Variants in GAS2 observed in about 807,000 individuals in gnomAD.
GAS2 encodes the protein growth arrest-specific protein 2.
GAS2 carries 20 observed loss-of-function variants against 37.5 expected under a neutral mutation model. The observed-to-expected ratio is 0.53, with a 90% CI of 0.37 to 0.77. The LOEUF is 0.77. GAS2 is among the 30% of genes least tolerant of loss of function. GAS2 has a pLI of 0.00. For missense variants in GAS2, 336 were observed against 373.4 expected (o/e 0.90, Z 0.82); for synonymous variants, 144 against 132.2 (o/e 1.09, Z -0.61).
chr11:22,740,415 T>A (rs1243116467), intron 5 of GAS2, among the ~76,000 whole-genome samples: 4 of 152,186 alleles, frequency 2.6e-5, no homozygotes, highest in Non-Finnish European at 5.9e-5. Context: ...ATTTGGCCTT[T>A]TATCTTCTTG....
chr11:22,739,572 C>CAAAAAAAAAA (rs71037525), intron 5 of GAS2, among the ~76,000 whole-genome samples: 6 of 64,650 alleles, frequency 9.3e-5, no homozygotes, highest in Non-Finnish European at 1.8e-4. Flanking sequence ...GATTCGCTCT[C>CAAAAAAAAAA]AAAAAAAAAA....
chr11:22,681,464 A>G (rs1231395903), intron 2 of GAS2, among the ~76,000 whole-genome samples: 1 of 152,192 alleles, frequency 6.6e-6, no homozygotes, highest in East Asian at 1.9e-4. Flanking sequence ...AGGAAGTGAA[A>G]CTATTACTTC....
At chr11:22,778,352 G>A (rs1262578452) in intron 7 of GAS2, among the ~76,000 whole-genome samples, 1 of 152,206 alleles carries the variant, frequency 6.6e-6, no homozygotes, top group African/African-American at 2.4e-5. Context: ...GGTCCCTGCT[G>A]TTAAGGAGTA....
intron 1 of GAS2, among the ~76,000 whole-genome samples, chr11:22,673,209 T>G (rs1849276300): frequency 6.6e-6 from 1 of 152,190 alleles, no homozygotes; most frequent in Non-Finnish European, 1.5e-5. Context: ...TGCTCCCACT[T>G]TGCATTTTTC....
chr11:22,761,732 G>A (rs1043997954), intron 7 of GAS2, among the ~76,000 whole-genome samples: 12 of 152,134 alleles, frequency 7.9e-5, no homozygotes, highest in South Asian at 2.1e-4. Context: ...TCCCAAACTC[G>A]TGTGGAAAAT....
At chr11:22,732,803 CATCATCAT>C (rs1565115711) in intron 4 of GAS2, among the ~76,000 whole-genome samples, 8 of 151,478 alleles carry the variant, frequency 5.3e-5, no homozygotes, top group East Asian at 3.9e-4. Flanking sequence ...TCATCATCAT[CATCATCAT>C]CACCACCACC....
Position 22,753,661 on chromosome 11 carries a change from C to G in GAS2, c.616-2185C>G, listed in dbSNP as rs1321485490. Among the ~76,000 whole-genome samples the G allele has an allele frequency of 3.9e-5, 6 of 152,074 alleles. No homozygotes were observed. In the East Asian group the frequency reaches 9.6e-4, roughly 24 times the overall value. On this transcript the variant is annotated intron_variant, in intron 6 of 7. Transcript: ENST00000454584. The stretch of plus-strand genomic sequence containing the variant: ...TCAGTCTGATTTTCTTCTGGATGAT[C>G]GACCCCTTCTCCCAATGCCCCTCCC...
chr11:22,637,732 T>C (rs1858855817), intron 1 of GAS2, among the ~76,000 whole-genome samples: 1 of 142,060 alleles, frequency 7.0e-6, no homozygotes, highest in Non-Finnish European at 1.5e-5. Flanking sequence ...ATAGTAATAA[T>C]AATTATTTAT....
chr11:22,691,911 G>T (rs1185065858), intron 3 of GAS2, among the ~76,000 whole-genome samples: 1 of 151,926 alleles, frequency 6.6e-6, no homozygotes, highest in Non-Finnish European at 1.5e-5. Flanking sequence ...TGACCAAATA[G>T]CCAAATTATT....
At chr11:22,766,787 C>T (rs1263977849) in intron 7 of GAS2, among the ~76,000 whole-genome samples, 3 of 152,122 alleles carry the variant, frequency 2.0e-5, no homozygotes, top group Non-Finnish European at 2.9e-5. Flanking sequence ...GGAACATTTA[C>T]AATTTACTAC....
At chr11:22,698,342 A>T (rs1004286958) in intron 3 of GAS2, among the ~76,000 whole-genome samples, 19 of 152,134 alleles carry the variant, frequency 1.2e-4, no homozygotes, top group Non-Finnish European at 2.6e-4. Flanking sequence ...CTCTGAATAG[A>T]CCAATAACAG....
intron 1 of GAS2, among the ~76,000 whole-genome samples, chr11:22,629,697 T>G (rs1444676750): frequency 6.6e-6 from 1 of 152,222 alleles, no homozygotes; most frequent in Non-Finnish European, 1.5e-5. Flanking sequence ...TCCTTGTAGA[T>G]TCTAGATATT....
intron 1 of GAS2, among the ~76,000 whole-genome samples, chr11:22,637,685 CAAT>C (rs200019787): frequency 0.015 from 2,023 of 131,124 alleles, 73 homozygotes; most frequent in East Asian, 0.15. Flanking sequence ...TATATTATAT[CAAT>C]AATAATATAA....
At chr11:22,725,533 A>G (rs552114073) in intron 3 of GAS2, among the ~76,000 whole-genome samples, 2 of 152,162 alleles carry the variant, frequency 1.3e-5, no homozygotes, top group East Asian at 1.9e-4. Flanking sequence ...GGCTCAGGCA[A>G]TCCTCTTGCC....
chr11:22,685,720 G>T lies in GAS2; in HGVS notation c.198G>T (p.Leu66Phe), dbSNP rs1397867473. The T allele has an allele frequency of 1.2e-6, 2 of 1,613,698 alleles. No homozygotes were observed. Among genetic ancestry groups the T allele is most frequent in the Non-Finnish European group, 1.7e-6 (2 of 1,179,768 alleles). ...TGGAGAAGTTGGACAATGGTGCCTT[G>T]CTCTGTCAACTTGCAGAAACTATGC... ...TFMEKLDNGALLCQLAETMQE... is the reference protein window; with the variant it reads ...TFMEKLDNGAFLCQLAETMQE... The change falls in exon 3 of 8, where the codon TTG (leucine) becomes TTT (phenylalanine). Residue 66 changes from leucine (L) to phenylalanine (F), a missense_variant. Physicochemically the swap from Leu to Phe is conservative, Grantham distance 22. Transcript: ENST00000454584.
At chr11:22,660,250 A>G (rs994453538) in intron 1 of GAS2, among the ~76,000 whole-genome samples, 4 of 152,182 alleles carry the variant, frequency 2.6e-5, no homozygotes, top group Admixed American at 1.3e-4. Flanking sequence ...TAAAGAGAGT[A>G]AAATGGAATG....
intron 3 of GAS2, among the ~76,000 whole-genome samples, chr11:22,707,065 T>C (rs1851162648): frequency 6.6e-6 from 1 of 152,168 alleles, no homozygotes; most frequent in South Asian, 2.1e-4. Context: ...TGGTTTTGAT[T>C]TGCATTTCTC....
chr11:22,665,562 T>C (rs1230119297), upstream of GAS2, among the ~76,000 whole-genome samples: 1 of 152,190 alleles, frequency 6.6e-6, no homozygotes, highest in Non-Finnish European at 1.5e-5. Flanking sequence ...TAACTATTTT[T>C]CCCTTCTTTT....
chr11:22,643,422 T>C (rs901701158), intron 1 of GAS2, among the ~76,000 whole-genome samples: 1 of 150,872 alleles, frequency 6.6e-6, no homozygotes, highest in Non-Finnish European at 1.5e-5. Flanking sequence ...ACTTTTACCA[T>C]TTTTACATGT....
Sources: gnomAD v4.1 joint callset for allele counts (sites outside exome capture counted in the v4.1 genomes callset) on GRCh38, gnomAD v4.1.1 for gene constraint, MANE v1.5 for transcripts, NCBI Gene and HGNC (gene_info 2026-07-23, HGNC 2026-07-21) for gene names.